AGBL1: variants seen among roughly 807,000 people sequenced by gnomAD.
AGBL1 encodes cytosolic carboxypeptidase 4.
A neutral mutation model predicts 118.9 loss-of-function variants in AGBL1; 130 were observed. That is an observed-to-expected ratio of 1.09 (90% CI 0.95 to 1.26). The LOEUF is 1.26. AGBL1 is among the 50% of genes most tolerant of loss of function. The pLI is 0.00. For missense variants in AGBL1, 1,584 were observed against 1,298.1 expected (o/e 1.22, Z -3.38); for synonymous variants, 555 against 478.9 (o/e 1.16, Z -2.08).
rs2076970088 is a variant in AGBL1 at position 86,142,027 on chromosome 15, C to T, written c.75C>T (p.Ile25=). 6.5e-7 allele frequency: 1 copy of T among 1,550,092 alleles called. No individual in the cohort carries two copies. The highest frequency in any genetic ancestry group is 8.7e-7 in the Non-Finnish European group (1 of 1,146,826). The change falls in exon 2 of 23, where the codon ATC becomes ATT. Residue 25 remains isoleucine, a synonymous_variant. Transcript: ENST00000614907. ...AGAGCTCCTCTGACAAGGAGTCCATCCTGACCATCCTCAAGGTCCTCGGAG... is the reference window on the plus strand; with the variant it reads ...AGAGCTCCTCTGACAAGGAGTCCATTCTGACCATCCTCAAGGTCCTCGGAG... The part of the protein sequence containing the change: ...TLQSSSDKES[I]LTILKVLGDL...
rs2079564919 is a variant in AGBL1, at chr15:86,861,982, T to G, written c.3159-45105T>G. ...AGGATACTGCAATTAAGAGTCTACA[T>G]GGAACTTCAGATTTAGAAAAACTAG... On this transcript the variant is annotated intron_variant, in intron 22 of 22. Coordinates refer to ENST00000614907, the MANE Select transcript of AGBL1 (RefSeq NM_001386094.1). Among the ~76,000 whole-genome samples, 4 of 152,214 alleles carry G rather than the reference T, an allele frequency of 2.6e-5. No individual in the cohort carries two copies. The South Asian group carries it at 8.3e-4, about 32-fold the overall frequency.
chr15:86,190,704 G>A (rs2077705812), intron 5 of AGBL1, among the ~76,000 whole-genome samples: 1 of 151,986 alleles, frequency 6.6e-6, no homozygotes. Flanking sequence ...ACATCTGAGG[G>A]GAAGCTAATA....
chr15:86,131,142 T>C (rs914837939), intron 1 of AGBL1, among the ~76,000 whole-genome samples: 1 of 152,210 alleles, frequency 6.6e-6, no homozygotes, highest in Middle Eastern at 3.2e-3. Context: ...GGGCTTCAGA[T>C]GCAAGTATCC....
intron 18 of AGBL1, among the ~76,000 whole-genome samples, chr15:86,432,430 G>T (rs935356910): frequency 2.9e-4 from 44 of 152,104 alleles, no homozygotes; most frequent in Non-Finnish European, 7.4e-5. Context: ...CCCTTAATTA[G>T]GATTGAGCTA....
intron 23 of AGBL1, among the ~76,000 whole-genome samples, chr15:86,981,374 G>A (rs978437202): frequency 6.6e-6 from 1 of 152,130 alleles, no homozygotes; most frequent in African/African-American, 2.4e-5. Context: ...CAACACCATG[G>A]TCATTGTTTT....
chr15:86,189,465 G>A (rs976982044), intron 5 of AGBL1, among the ~76,000 whole-genome samples: 2 of 152,184 alleles, frequency 1.3e-5, no homozygotes, highest in African/African-American at 4.8e-5. Context: ...GATCCCCAGT[G>A]TTGGAGGTGG....
chr15:86,753,404 T>TC (rs2077884881), intron 22 of AGBL1, among the ~76,000 whole-genome samples: 1 of 117,652 alleles, frequency 8.5e-6, no homozygotes, highest in African/African-American at 2.9e-5. Flanking sequence ...TTTCTTTTTT[T>TC]TTTTTTTTTT....
At chr15:86,722,962 T>C (rs2086751793) in intron 22 of AGBL1, among the ~76,000 whole-genome samples, 1 of 151,814 alleles carries the variant, frequency 6.6e-6, no homozygotes, top group South Asian at 2.1e-4. Flanking sequence ...AGATACCATC[T>C]CCCACCAGTT....
intron 6 of AGBL1, among the ~76,000 whole-genome samples, chr15:86,235,688 C>G (rs1258066334): frequency 6.7e-6 from 1 of 148,396 alleles, no homozygotes; most frequent in African/African-American, 2.5e-5. Context: ...TATATACAAT[C>G]TCATTTAATC....
rs546241308 is a variant in AGBL1 at position 86,084,999 on chromosome 15, G to C, written c.51+4976G>C. Among the ~76,000 whole-genome samples, 126 of 152,282 alleles carry C rather than the reference G, an allele frequency of 8.3e-4. 1 individual carries two copies. Among genetic ancestry groups the C allele is most frequent in the African/African-American group, 2.7e-3 (113 of 41,566 alleles). ...GTTTAGAGAAAATTTATAAGAAGTGGTAAGCATATTGGTACATGCCCAATA... is the reference window on the plus strand; with the variant it reads ...GTTTAGAGAAAATTTATAAGAAGTGCTAAGCATATTGGTACATGCCCAATA... On this transcript the variant is annotated intron_variant, in intron 1 of 22. Transcript: ENST00000614907.
intron 21 of AGBL1, among the ~76,000 whole-genome samples, chr15:86,661,626 AGAG>A (rs2085542304): frequency 6.6e-6 from 1 of 152,072 alleles, no homozygotes; most frequent in South Asian, 2.1e-4. Flanking sequence ...ACATGCAATA[AGAG>A]GAGAATTACC....
intron 17 of AGBL1, among the ~76,000 whole-genome samples, chr15:86,350,011 T>A (rs914915709): frequency 8.9e-4 from 136 of 152,240 alleles, no homozygotes; most frequent in African/African-American, 3.2e-3. Flanking sequence ...AAACTTTTAA[T>A]TTTTGACCAT....
intron 22 of AGBL1, among the ~76,000 whole-genome samples, chr15:86,891,574 A>T (rs1455860122): frequency 1.3e-5 from 2 of 149,764 alleles, no homozygotes; most frequent in African/African-American, 4.9e-5. Flanking sequence ...ACAAGAAATA[A>T]TGAGGAAAAA....
intron 23 of AGBL1, among the ~76,000 whole-genome samples, chr15:86,958,455 A>T (rs2075839792): frequency 6.6e-6 from 1 of 152,108 alleles, no homozygotes; most frequent in Non-Finnish European, 1.5e-5. Flanking sequence ...ATTATAAAGA[A>T]AAAGAAACAT....
chr15:86,927,344 T>G (rs908488900), intron 23 of AGBL1, among the ~76,000 whole-genome samples: 4 of 151,490 alleles, frequency 2.6e-5, no homozygotes, highest in Non-Finnish European at 5.9e-5. Context: ...AGCCCAGCAC[T>G]TTGGGAGGCT....
intron 17 of AGBL1, among the ~76,000 whole-genome samples, chr15:86,388,003 G>T (rs1002351572): frequency 6.6e-6 from 1 of 152,156 alleles, no homozygotes; most frequent in Non-Finnish European, 1.5e-5. Flanking sequence ...AGGCGGGTAG[G>T]GCTGAAGAAG....
intron 3 of AGBL1, among the ~76,000 whole-genome samples, chr15:86,145,919 T>A (rs1392407183): frequency 6.6e-6 from 1 of 152,072 alleles, no homozygotes; most frequent in Non-Finnish European, 1.5e-5. Context: ...ACTGGCATGG[T>A]CAGGAGAGGT....
intron 1 of AGBL1, among the ~76,000 whole-genome samples, chr15:86,094,998 G>A (rs141705854): frequency 1.9e-3 from 283 of 152,236 alleles, no homozygotes; most frequent in Middle Eastern, 6.8e-3. Context: ...CCACAGCTCC[G>A]TCTTCAGGTT....
chr15:86,743,826 A>G (rs1029493049), intron 22 of AGBL1, among the ~76,000 whole-genome samples: 4 of 152,140 alleles, frequency 2.6e-5, no homozygotes, highest in African/African-American at 9.6e-5. Flanking sequence ...AGCTTTAACT[A>G]CCTAATATGG....
Sources: allele counts gnomAD v4.1 joint callset (sites outside exome capture counted in the v4.1 genomes callset), GRCh38; gene constraint gnomAD v4.1.1; transcripts MANE v1.5; gene names NCBI Gene and HGNC (gene_info 2026-07-23, HGNC 2026-07-21).